Variants in SPAG17 observed in about 807,000 individuals in gnomAD.
SPAG17 encodes sperm-associated antigen 17.
Under a neutral mutation model 273.6 loss-of-function variants are expected in SPAG17, and 169 were observed. The observed-to-expected ratio is 0.62, with a 90% CI of 0.55 to 0.70. SPAG17 has a LOEUF of 0.70. Among genes scored for constraint, SPAG17 ranks in the 30% least tolerant of loss-of-function variants. SPAG17 has a pLI of 0.00. For missense variants in SPAG17, 2,557 were observed against 2,627.8 expected (o/e 0.97, Z 0.59); for synonymous variants, 825 against 873.2 (o/e 0.94, Z 0.97).
At chr1:118,173,464 G>GA (rs1558061777) in intron 1 of SPAG17, among the ~76,000 whole-genome samples, 1 of 152,042 alleles carries the variant, frequency 6.6e-6, no homozygotes, top group African/African-American at 2.4e-5. Context: ...AGGACAGCTC[G>GA]AAACTCAGGC....
At position 118,000,220 on chromosome 1, in the gene SPAG17, C is replaced by CTG. The variant is rs199891869; in HGVS notation, c.4777-3479_4777-3478dup. 9.2e-3 allele frequency among the ~76,000 whole-genome samples: 1,401 copies of CTG among 152,292 alleles called. 12 individuals are homozygous for CTG. The highest frequency in any genetic ancestry group is 0.015 in the Non-Finnish European group (1,011 of 68,030). On this transcript the variant is annotated intron_variant, in intron 32 of 48. Coordinates refer to ENST00000336338, the MANE Select transcript of SPAG17 (RefSeq NM_206996.4). ...TACCAGTACCATGCTGTTTTGGTAA[C>CTG]TGTAGCCTTGTAGTATAGTTTGAAG...
chr1:118,123,543 G>A (rs1191895496), intron 3 of SPAG17, among the ~76,000 whole-genome samples: 3 of 152,266 alleles, frequency 2.0e-5, no homozygotes, highest in East Asian at 1.9e-4. Flanking sequence ...CAAATGGAAC[G>A]TTATGAAAGT....
chr1:118,061,684 T>C (rs1338001452), intron 18 of SPAG17, among the ~76,000 whole-genome samples: 1 of 152,350 alleles, frequency 6.6e-6, no homozygotes, highest in African/African-American at 2.4e-5. Context: ...ATAATGGGTA[T>C]GTTTAGTACC....
chr1:118,122,834 GTT>G (rs1657497056), intron 3 of SPAG17, among the ~76,000 whole-genome samples: 6 of 152,332 alleles, frequency 3.9e-5, no homozygotes, highest in Admixed American at 3.9e-4. Context: ...CCAGGACAGA[GTT>G]GGGATTCTTG....
intron 8 of SPAG17, 53 bp from the exon 9 acceptor site, chr1:118,092,055 C>T (rs1655412488): frequency 6.8e-7 from 1 of 1,475,276 alleles, no homozygotes; most frequent in South Asian, 1.1e-5. Context: ...CTGAGAGATG[C>T]CCTCATCAAA....
chr1:117,958,522 C>G (rs1259118310), intron 48 of SPAG17, among the ~76,000 whole-genome samples: 1 of 152,158 alleles, frequency 6.6e-6, no homozygotes, highest in African/African-American at 2.4e-5. Flanking sequence ...TCACGAATGT[C>G]TCTTTTTTGC....
Position 117,966,621 on chromosome 1 carries a change from G to A in SPAG17, c.6520C>T (p.Pro2174Ser), listed in dbSNP as rs202009513. 1.9e-6 allele frequency: 3 copies of A among 1,609,924 alleles called. No homozygotes were observed. The highest frequency in any genetic ancestry group is 2.5e-6 in the Non-Finnish European group (3 of 1,178,706). ...CTTTAAAGGATATTTGCTTCCACAG[G>A]TAGGAACAGAACCTCATGCTCTGTC... ...IMTEHEVLFL[P>S]VEATVLTSSN... The change falls in exon 47 of 49, where the codon CCT (proline) becomes TCT (serine). Residue 2174 changes from proline to serine, a missense_variant. Coordinates refer to ENST00000336338, the MANE Select transcript of SPAG17 (RefSeq NM_206996.4).
chr1:118,172,341 T>C (rs1271974426), intron 1 of SPAG17, among the ~76,000 whole-genome samples: 3 of 152,178 alleles, frequency 2.0e-5, no homozygotes, highest in Non-Finnish European at 4.4e-5. Context: ...CAGAATGAAA[T>C]TAATGAATAC....
chr1:118,021,707 A>G (rs1373535681), intron 28 of SPAG17, among the ~76,000 whole-genome samples: 1 of 152,168 alleles, frequency 6.6e-6, no homozygotes, highest in African/African-American at 2.4e-5. Context: ...AAAATAGTCT[A>G]TTAATTTAAA....
intron 28 of SPAG17, among the ~76,000 whole-genome samples, chr1:118,022,838 C>T (rs1177458033): frequency 6.6e-6 from 1 of 152,086 alleles, no homozygotes; most frequent in African/African-American, 2.4e-5. Context: ...TCTGGAACTC[C>T]TTTTGCTTCC....
At chr1:118,089,937 A>T (rs1254784852) in intron 10 of SPAG17, among the ~76,000 whole-genome samples, 1 of 152,112 alleles carries the variant, frequency 6.6e-6, no homozygotes, top group Non-Finnish European at 1.5e-5. Flanking sequence ...TAAAAGTGGT[A>T]GTTTGTTCCT....
At chr1:118,159,854 G>C (rs1195402945) in intron 1 of SPAG17, among the ~76,000 whole-genome samples, 1 of 152,078 alleles carries the variant, frequency 6.6e-6, no homozygotes, top group Non-Finnish European at 1.5e-5. Flanking sequence ...AAACCACAGA[G>C]CCACTACACA....
chr1:117,981,883 A>G (rs895177052), intron 42 of SPAG17, among the ~76,000 whole-genome samples: 3 of 152,254 alleles, frequency 2.0e-5, no homozygotes, highest in African/African-American at 7.2e-5. Flanking sequence ...AAATTTATCT[A>G]GGATTGAGGA....
chr1:118,149,299 C>G (rs1476351505), intron 3 of SPAG17, among the ~76,000 whole-genome samples: 2 of 152,180 alleles, frequency 1.3e-5, no homozygotes, highest in Non-Finnish European at 2.9e-5. Context: ...ACATCCAAGT[C>G]AGAATGCCTG....
At chr1:118,153,008 C>T (rs139975030) in intron 1 of SPAG17, among the ~76,000 whole-genome samples, 1 of 152,288 alleles carries the variant, frequency 6.6e-6, no homozygotes, top group East Asian at 1.9e-4. Flanking sequence ...ACCTTTACCC[C>T]CTTATCCCGC....
chr1:118,128,088 C>T (rs1657839833), intron 3 of SPAG17, among the ~76,000 whole-genome samples: 1 of 151,636 alleles, frequency 6.6e-6, no homozygotes. Context: ...CACCGCTGCA[C>T]TCCAGCCTGG....
At chr1:117,954,612 T>C in intron 48 of SPAG17, 1 of 1,612,610 alleles carries the variant, frequency 6.2e-7, no homozygotes, top group Non-Finnish European at 8.5e-7. Flanking sequence ...TCCTAATGGC[T>C]TATGGCAGTA....
rs762698590 is a variant in SPAG17, at chr1:118,151,295, G to C, written c.162C>G (p.Thr54=). Residue 54 remains threonine, a synonymous_variant, in exon 2 of 49, where the codon ACC becomes ACG. Transcript: ENST00000336338. The part of the protein sequence containing the change: ...IEDDLLIQAL[T]VAVQVPQRKL... ...TACGCTGAGGGACCTGGACAGCCAC[G>C]GTAAGGGCTTGGATGAGAAGATCAT... 4 of 1,613,404 alleles carry C rather than the reference G, an allele frequency of 2.5e-6. No individual in the cohort carries two copies. Among genetic ancestry groups the C allele is most frequent in the Admixed American group, 1.7e-5 (1 of 59,968 alleles).
At chr1:118,136,805 G>A (rs1388945957) in intron 3 of SPAG17, among the ~76,000 whole-genome samples, 2 of 141,774 alleles carry the variant, frequency 1.4e-5, no homozygotes, top group South Asian at 2.2e-4. Context: ...GTGTGTATGT[G>A]TGTGTGTGTG....
Sources: allele counts gnomAD v4.1 joint callset (sites outside exome capture counted in the v4.1 genomes callset), GRCh38; gene constraint gnomAD v4.1.1; transcripts MANE v1.5; gene names NCBI Gene and HGNC (gene_info 2026-07-23, HGNC 2026-07-21).